Variants in NAT16 observed in about 807,000 individuals in gnomAD.
NAT16 encodes the protein N-acetyltransferase 16 (putative).
Under a neutral mutation model 15.9 loss-of-function variants are expected in NAT16, and 16 were observed. The ratio of observed to expected loss-of-function variants is 1.01; its 90% CI spans 0.68 to 1.53. NAT16 has a LOEUF of 1.53. Among genes scored for constraint, NAT16 ranks in the 40% most tolerant of loss-of-function variants. The pLI is 0.00. For missense variants in NAT16, 572 were observed against 508.4 expected (o/e 1.13, Z -1.20); for synonymous variants, 260 against 241.9 (o/e 1.07, Z -0.69).
chr7:101,178,510 G>T (rs1226069828), intron 1 of NAT16, among the ~76,000 whole-genome samples: 2 of 151,866 alleles, frequency 1.3e-5, no homozygotes, highest in African/African-American at 4.8e-5. Flanking sequence ...GAGGCAGCTG[G>T]TGAGTCCAGG....
In NAT16 at chr7:101,174,534, C is replaced by T. The variant is rs757315538; in HGVS notation, c.274G>A (p.Asp92Asn). The change falls in exon 2 of 4, where the codon GAC becomes AAC. Residue 92 changes from aspartate (D) to asparagine (N), a missense_variant. Transcript: ENST00000300303. ...SRYHSWLRDP[D>N]RTVVLAKRNG... ...CGCTTGGCCAGCACCACCGTGCGGT[C>T]GGGGTCCCGGAGCCAGCTGTGGTAG... is the stretch of plus-strand genomic sequence containing the variant. 18 of 1,613,642 alleles carry T rather than the reference C, an allele frequency of 1.1e-5. No homozygotes were observed. Among genetic ancestry groups the T allele is most frequent in the Non-Finnish European group, 1.4e-5 (16 of 1,179,866 alleles).
intron 1 of NAT16, among the ~76,000 whole-genome samples, chr7:101,179,700 G>C (rs1433674739): frequency 1.3e-5 from 2 of 152,088 alleles, no homozygotes; most frequent in Admixed American, 1.3e-4. Flanking sequence ...GTCTTCCCGA[G>C]TGAGGGTCTT....
In NAT16 at chr7:101,170,750, C is replaced by T. The variant is rs972294286; in HGVS notation, c.*1329G>A. The T allele has an allele frequency of 2.6e-5, 4 of 152,464 alleles. No homozygotes were observed. Among genetic ancestry groups the T allele is most frequent in the Non-Finnish European group, 5.9e-5 (4 of 68,096 alleles). The allele number at this position is 152,464 out of a possible 1,614,324, so 9.4% of individuals were successfully genotyped here. ...CTCACTGTCAACATTCTCCTAGCAC[C>T]TACGCATTGCCCAACAAGAAGTTCA... is the stretch of plus-strand genomic sequence containing the variant. On this transcript the variant is annotated 3_prime_UTR_variant, in exon 4 of 4. Transcript: ENST00000300303.
At chr7:101,173,147 G>A in intron 3 of NAT16, 149 bp downstream of exon 3, 1 of 730,658 alleles carries the variant, frequency 1.4e-6, no homozygotes, top group Non-Finnish European at 2.4e-6. Flanking sequence ...GTCTGGTAAG[G>A]ACTGGGAGTC....
In NAT16 at chr7:101,172,140, C is replaced by T; in HGVS notation, c.1049G>A (p.Gly350Glu). ...ACCCTTCACCAGCTCCAGTCCCAGC[C>T]CGACCTGGCAGAAGTCAGCCAGCTG... ...WSQLADFCQV[G>E]LGLELVKGYT... Residue 350 changes from glycine (G) to glutamate (E), a missense_variant, in exon 4 of 4, where the codon GGG (glycine) becomes GAG (glutamate). Coordinates refer to ENST00000300303, the MANE Select transcript of NAT16 (RefSeq NM_198571.3). This position sits in a 1 kb window ranked among gnomAD's most constrained non-coding sequence, Gnocchi z 4.2. The T allele has an allele frequency of 2.5e-6, 4 of 1,614,096 alleles. No homozygotes were observed. Among genetic ancestry groups the T allele is most frequent in the South Asian group, 1.1e-5 (1 of 91,080 alleles).
In NAT16 at chr7:101,173,402, G is replaced by C. The variant is rs1562873884; in HGVS notation, c.431C>G (p.Ser144Trp). 1.2e-6 allele frequency: 2 copies of C among 1,613,718 alleles called. No individual in the cohort carries two copies. Among genetic ancestry groups the C allele is most frequent in the East Asian group, 2.2e-5 (1 of 44,872 alleles). Residue 144 changes from serine (S) to tryptophan (W), a missense_variant, in exon 3 of 4, where the codon TCG becomes TGG. Coordinates refer to ENST00000300303, the MANE Select transcript of NAT16 (RefSeq NM_198571.3). ...GVAGLLQRFC[S>W]QLVKRQHPGV... Reference sequence around the variant, plus strand: ...CGGGTGCTGTCTCTTGACCAGCTGCGAGCAGAAGCGCTGCAGCAGCCCGGC... The same window carrying C: ...CGGGTGCTGTCTCTTGACCAGCTGCCAGCAGAAGCGCTGCAGCAGCCCGGC...
chr7:101,178,029 C>T (rs570691775), intron 1 of NAT16, among the ~76,000 whole-genome samples: 2 of 152,316 alleles, frequency 1.3e-5, no homozygotes, highest in African/African-American at 4.8e-5. Flanking sequence ...ACCCTCACTA[C>T]CCCCAAAGGT....
chr7:101,172,088 G>C lies in NAT16; in HGVS notation c.1101C>G (p.Ala367=), dbSNP rs777773328. ...KGYTEQYLLE[A]DI ...CGCCAGAGGAGAGGCCTCAGATGTC[G>C]GCCTCCAGCAGGTACTGTTCAGTAT... Residue 367 remains alanine, a synonymous_variant, in exon 4 of 4, where the codon GCC becomes GCG. Coordinates refer to ENST00000300303, the MANE Select transcript of NAT16 (RefSeq NM_198571.3). This position sits in a 1 kb window ranked among gnomAD's most constrained non-coding sequence, Gnocchi z 4.2. The C allele has an allele frequency of 1.2e-6, 2 of 1,608,728 alleles. No individual in the cohort carries two copies. Among genetic ancestry groups the C allele is most frequent in the African/African-American group, 1.3e-5 (1 of 74,530 alleles).
chr7:101,178,740 AAGT>A (rs768817115), intron 1 of NAT16, among the ~76,000 whole-genome samples: 45 of 149,162 alleles, frequency 3.0e-4, no homozygotes, highest in Non-Finnish European at 6.2e-4. Context: ...AAAAATACAA[AAGT>A]AGCCGGGCGT....
chr7:101,174,642 C>T lies in NAT16; in HGVS notation c.166G>A (p.Val56Met), dbSNP rs1324983267. 5 of 1,614,196 alleles carry T rather than the reference C, an allele frequency of 3.1e-6. No individual in the cohort carries two copies. Among genetic ancestry groups the T allele is most frequent in the South Asian group, 1.1e-5 (1 of 91,082 alleles). The change falls in exon 2 of 4, where the codon GTG becomes ATG. Residue 56 changes from valine (V) to methionine (M), a missense_variant. Coordinates refer to ENST00000300303, the MANE Select transcript of NAT16 (RefSeq NM_198571.3). ...PEAEAEPLDF[V>M]VATEREFEEV... Reference sequence around the variant, plus strand: ...TCAAACTCCCGTTCCGTGGCCACCACGAAGTCCAATGGCTCGGCCTCAGCC... The same window carrying T: ...TCAAACTCCCGTTCCGTGGCCACCATGAAGTCCAATGGCTCGGCCTCAGCC...
chr7:101,176,578 TTTCC>T (rs1797473518), intron 1 of NAT16, among the ~76,000 whole-genome samples: 1 of 22,160 alleles, frequency 4.5e-5, no homozygotes, highest in Non-Finnish European at 1.2e-4. Context: ...CCCCCGCCCC[TTTCC>T]TTCCTTCTGC....
At chr7:101,175,004 G>A (rs1797436077) in intron 1 of NAT16, among the ~76,000 whole-genome samples, 193 bp from the exon 2 acceptor site, 1 of 152,084 alleles carries the variant, frequency 6.6e-6, no homozygotes, top group Non-Finnish European at 1.5e-5. Flanking sequence ...GCCCAGGCTG[G>A]AGTGCAGTGG....
chr7:101,173,552 C>A (rs1434576991), intron 2 of NAT16, 32 bp from the exon 3 acceptor site: 1 of 1,516,862 alleles, frequency 6.6e-7, no homozygotes. Context: ...GCGGGGCCCT[C>A]CCCGCCTGCG....
In NAT16 at chr7:101,172,285, A is replaced by G. The variant is rs926897640; in HGVS notation, c.904T>C (p.Phe302Leu). The change falls in exon 4 of 4, where the codon TTC becomes CTC. Residue 302 changes from phenylalanine (F) to leucine (L), a missense_variant. Transcript: ENST00000300303. The surrounding 1 kb of genome is among the most constrained non-coding windows in gnomAD (Gnocchi z 4.2). ...GTWRYLNIDAFGSDGAQVQSQ... is the reference protein window; with the variant it reads ...GTWRYLNIDALGSDGAQVQSQ... ...TGCACCTGCGCGCCGTCGCTACCGA[A>G]GGCGTCGATGTTGAGATAGCGCCAA... is the stretch of plus-strand genomic sequence containing the variant. 1 of 1,612,286 alleles carries G rather than the reference A, an allele frequency of 6.2e-7. No individual in the cohort carries two copies. Among genetic ancestry groups the G allele is most frequent in the Admixed American group, 1.7e-5 (1 of 59,746 alleles).
intron 1 of NAT16, among the ~76,000 whole-genome samples, chr7:101,175,384 G>A (rs1344331951): frequency 2.0e-5 from 3 of 151,924 alleles, no homozygotes; most frequent in African/African-American, 7.3e-5. Flanking sequence ...GGGATTACAG[G>A]TGTGAGCCAC....
intron 1 of NAT16, among the ~76,000 whole-genome samples, chr7:101,176,116 A>G (rs1255762131): frequency 6.6e-6 from 1 of 152,088 alleles, no homozygotes; most frequent in Non-Finnish European, 1.5e-5. Flanking sequence ...GCCAAGGGGG[A>G]GGGTGTAGAC....
intron 1 of NAT16, 82 bp from the exon 2 acceptor site, chr7:101,174,893 G>A: frequency 6.8e-7 from 1 of 1,461,276 alleles, no homozygotes; most frequent in Non-Finnish European, 9.0e-7. Context: ...CGGTCCTAAT[G>A]CCCCTTCCTA....
chr7:101,179,559 G>T (rs956869541), intron 1 of NAT16, among the ~76,000 whole-genome samples: 2 of 148,520 alleles, frequency 1.3e-5, no homozygotes, highest in East Asian at 2.0e-4. Flanking sequence ...GAGAGGCGAT[G>T]AAGTGGGGGC....
In NAT16 at chr7:101,172,022, TG is replaced by T; in HGVS notation, c.*56del. On this transcript the variant is annotated 3_prime_UTR_variant, in exon 4 of 4. Transcript: ENST00000300303. The surrounding 1 kb of genome is among the most constrained non-coding windows in gnomAD (Gnocchi z 4.2). ...CGGAAATGGCAGGAAAGAGGCTGGCTGGGGAAACTGCGGAAGGGGGCGGGTC... is the reference window on the plus strand; with the variant it reads ...CGGAAATGGCAGGAAAGAGGCTGGCTGGGAAACTGCGGAAGGGGGCGGGTC... The T allele has an allele frequency of 7.9e-7, 1 of 1,273,368 alleles. No homozygotes were observed. The highest frequency in any genetic ancestry group is 1.1e-6 in the Non-Finnish European group (1 of 896,644). 78.9% of individuals were successfully genotyped at this position (1,273,368 alleles called of 1,614,324 possible).
Sources: allele counts gnomAD v4.1 joint callset (sites outside exome capture counted in the v4.1 genomes callset), GRCh38; gene constraint gnomAD v4.1.1; non-coding constraint Gnocchi (gnomAD v3.1); transcripts MANE v1.5; gene names NCBI Gene and HGNC (gene_info 2026-07-23, HGNC 2026-07-21).